ADAMTS7: variants seen among roughly 807,000 people sequenced by gnomAD.
The protein encoded by ADAMTS7 is ADAM metallopeptidase with thrombospondin type 1 motif 7, also known as A disintegrin and metalloproteinase with thrombospondin motifs 7.
Under a neutral mutation model 172.6 loss-of-function variants are expected in ADAMTS7, and 89 were observed. The ratio of observed to expected loss-of-function variants is 0.52; its 90% CI spans 0.43 to 0.61. The LOEUF is 0.61. Ranked by LOEUF, ADAMTS7 falls within the 20% of genes least tolerant of loss-of-function variation. The pLI is 0.00. For missense variants in ADAMTS7, 1,973 were observed against 2,355.6 expected (o/e 0.84, Z 3.36); for synonymous variants, 885 against 978.4 (o/e 0.90, Z 1.78).
At chr15:78,767,767 G>A (rs1340184307) in intron 17 of ADAMTS7, among the ~76,000 whole-genome samples, 175 bp from the exon 18 acceptor site, 1 of 152,010 alleles carries the variant, frequency 6.6e-6, no homozygotes, top group Non-Finnish European at 1.5e-5. Flanking sequence ...TGCCCTCAAA[G>A]CCTGGTGACA....
chr15:78,794,784 C>G (rs1008772644), intron 4 of ADAMTS7, among the ~76,000 whole-genome samples: 1 of 152,206 alleles, frequency 6.6e-6, no homozygotes, highest in Non-Finnish European at 1.5e-5. Context: ...GTGGCACGAT[C>G]TCAGCTCACT....
chr15:78,762,398 C>T lies in ADAMTS7; in HGVS notation c.4903+5G>A, dbSNP rs1482918311. 4 of 1,450,418 alleles carry T rather than the reference C, an allele frequency of 2.8e-6. No homozygotes were observed. Among genetic ancestry groups the T allele is most frequent in the Non-Finnish European group, 2.7e-6 (3 of 1,095,842 alleles). 89.8% of individuals were successfully genotyped at this position (1,450,418 alleles called of 1,614,324 possible). ...CAGCAGGGAGCCTGGGGTCAGGGGA[C>T]TCACGGGGAGGCTCGACGGGCTCAC... On this transcript the variant is annotated splice_donor_5th_base_variant and intron_variant, in intron 23 of 23. Coordinates refer to ENST00000388820, the MANE Select transcript of ADAMTS7 (RefSeq NM_014272.5).
intron 14 of ADAMTS7, among the ~76,000 whole-genome samples, chr15:78,772,487 C>T (rs2055267421): frequency 6.6e-6 from 1 of 152,236 alleles, no homozygotes. Context: ...TGCCTCCAGG[C>T]TCTGGCACAA....
chr15:78,759,750 C>G (rs2055012050), intron 23 of ADAMTS7, among the ~76,000 whole-genome samples, 172 bp from the exon 24 acceptor site: 1 of 152,184 alleles, frequency 6.6e-6, no homozygotes, highest in Admixed American at 6.5e-5. Flanking sequence ...GTTGCTGTCT[C>G]TGTCCCACCT....
Position 78,796,735 on chromosome 15 carries a change from CA to C in ADAMTS7, c.673del (p.Trp225GlyfsTer6), listed in dbSNP as rs1287642522. The C allele has an allele frequency of 5.6e-6, 9 of 1,612,140 alleles. No homozygotes were observed. The highest frequency in any genetic ancestry group is 1.3e-5 in the African/African-American group (1 of 75,046). On this transcript the variant is annotated frameshift_variant, in exon 4 of 24. Transcript: ENST00000388820. LOFTEE classifies it high-confidence loss of function. ...RRERWEQRQQ[W>X]RRPRLRRLHQ... The stretch of plus-strand genomic sequence containing the variant: ...TAGACGCCTCAGCCGTGGCCGCCGC[CA>C]CTGCTGCCGCTGCTCCCAACGCTCC...
intron 11 of ADAMTS7, among the ~76,000 whole-genome samples, chr15:78,775,986 G>A (rs12906691): frequency 0.27 from 41,216 of 152,118 alleles, 7,129 homozygotes; most frequent in Non-Finnish European, 0.4. Flanking sequence ...CCCCCTCTCT[G>A]GAAAGGGGTC....
chr15:78,796,723 C>T lies in ADAMTS7; in HGVS notation c.686G>A (p.Arg229Gln), dbSNP rs772813306. Residue 229 changes from arginine (R) to glutamine (Q), a missense_variant, in exon 4 of 24, where the codon CGG (arginine) becomes CAG (glutamine). Transcript: ENST00000388820. ...WEQRQQWRRP[R>Q]LRRLHQRSVS... The stretch of plus-strand genomic sequence containing the variant: ...CGACCGCTGGTGTAGACGCCTCAGC[C>T]GTGGCCGCCGCCACTGCTGCCGCTG... The T allele has an allele frequency of 8.1e-6, 13 of 1,610,778 alleles. No homozygotes were observed. Among genetic ancestry groups the T allele is most frequent in the East Asian group, 2.2e-5 (1 of 44,884 alleles).
At position 78,765,951 on chromosome 15, in the gene ADAMTS7, T is replaced by C; in HGVS notation, c.3960A>G (p.Pro1320=). 6.3e-7 allele frequency: 1 copy of C among 1,591,620 alleles called. No individual in the cohort carries two copies. The highest frequency in any genetic ancestry group is 8.5e-7 in the Non-Finnish European group (1 of 1,173,466). The change falls in exon 19 of 24, where the codon CCA becomes CCG. Residue 1320 remains proline, a synonymous_variant. Transcript: ENST00000388820. ...LEPGTPSFPT[P]GPGSWDLQTV... is the part of the protein sequence containing the mutation. ...TCTGCAGGTCCCATGAGCCTGGTCCTGGGGTTGGGAAGGAGGGAGTCCCCG... is the reference window on the plus strand; with the variant it reads ...TCTGCAGGTCCCATGAGCCTGGTCCCGGGGTTGGGAAGGAGGGAGTCCCCG...
rs546810593 is a variant in ADAMTS7, at chr15:78,766,045, A to G, written c.3866T>C (p.Val1289Ala). ...VDSELWPTVG[V>A]ASLLPPPIAP... is the part of the protein sequence containing the mutation. ...TATGGGAGGAGGAAGGAGAGAAGCC[A>G]CCCCAACAGTGGGCCACAGTTCACT... The change falls in exon 19 of 24, where the codon GTG (valine) becomes GCG (alanine). Residue 1289 changes from valine (V) to alanine (A), a missense_variant. Transcript: ENST00000388820. The G allele has an allele frequency of 6.2e-6, 10 of 1,605,242 alleles. No homozygotes were observed. In the South Asian group the frequency reaches 9.9e-5, roughly 16 times the overall value.
chr15:78,800,272 G>C lies in ADAMTS7; in HGVS notation c.376C>G (p.Pro126Ala). 6.3e-7 allele frequency: 1 copy of C among 1,595,236 alleles called. No individual in the cohort carries two copies. Among genetic ancestry groups the C allele is most frequent in the African/African-American group, 1.3e-5 (1 of 74,674 alleles). ...ACCTCGCCAAGCAGGTGGCAGGCCG[G>C]GGTGTGGGCCCGGATGTGCGCGCGG... ...LGRAHIRAHT[P>A]ACHLLGEVQD... Residue 126 changes from proline to alanine, a missense_variant, in exon 2 of 24, where the codon CCG (proline) becomes GCG (alanine). Around this residue, in one of 8 missense-constraint regions of ADAMTS7, gnomAD observed 306 missense variants for 288.0 expected, o/e 1.06. Coordinates refer to ENST00000388820, the MANE Select transcript of ADAMTS7 (RefSeq NM_014272.5).
In ADAMTS7 at chr15:78,788,283, C is replaced by T. The variant is rs534827822; in HGVS notation, c.1270G>A (p.Ala424Thr). Residue 424 changes from alanine (A) to threonine (T), a missense_variant, in exon 8 of 24, where the codon GCT (alanine) becomes ACT (threonine). Physicochemically the swap from Ala to Thr is moderately conservative, Grantham distance 58. Around this residue, in one of 8 missense-constraint regions of ADAMTS7, gnomAD observed 526 missense variants for 662.9 expected, o/e 0.79. Coordinates refer to ENST00000388820, the MANE Select transcript of ADAMTS7 (RefSeq NM_014272.5). ...IMSPQLLYDA[A>T]PLTWSRCSRQ... ...CTGCAGCGGGACCAGGTGAGGGGAG[C>T]GGCGTCGTACAGGAGCTGTGGAGAC... 73 of 1,613,750 alleles carry T rather than the reference C, an allele frequency of 4.5e-5. No individual in the cohort carries two copies. The highest frequency in any genetic ancestry group is 6.7e-5 in the East Asian group (3 of 44,876).
In ADAMTS7 at chr15:78,796,770, C is replaced by T. The variant is rs2055651109; in HGVS notation, c.639G>A (p.Glu213=). The T allele has an allele frequency of 1.9e-6, 3 of 1,610,076 alleles. No homozygotes were observed. In the East Asian group the frequency reaches 6.7e-5, roughly 36 times the overall value. Residue 213 remains glutamate (E), a synonymous_variant, in exon 4 of 24, where the codon GAG becomes GAA. Coordinates refer to ENST00000388820, the MANE Select transcript of ADAMTS7 (RefSeq NM_014272.5). ...GCTGCTCCCAACGCTCCCGTCGAGA[C>T]TCCAGCTCTGGGTACACTGGAGGCC... ...TCGVQVYPEL[E]SRRERWEQRQ...
chr15:78,764,681 C>A lies in ADAMTS7; in HGVS notation c.4293G>T (p.Ala1431=). The A allele has an allele frequency of 6.4e-7, 1 of 1,558,048 alleles. No homozygotes were observed. The highest frequency in any genetic ancestry group is 8.6e-7 in the Non-Finnish European group (1 of 1,160,782). Residue 1431 remains alanine, a synonymous_variant, in exon 20 of 24, where the codon GCG becomes GCT. Coordinates refer to ENST00000388820, the MANE Select transcript of ADAMTS7 (RefSeq NM_014272.5). ...AGCTACAGCGCACCGGCCTCCAGAC[C>A]GCACCCAGGCCACAGGTGGTAGAGC... is the stretch of plus-strand genomic sequence containing the variant. ...SECSTTCGLG[A]VWRPVRCSSG...
At chr15:78,789,930 C>A (rs1255325949) in intron 6 of ADAMTS7, 92 bp from the exon 7 acceptor site, 4 of 1,472,430 alleles carry the variant, frequency 2.7e-6, no homozygotes, top group East Asian at 5.0e-5. Flanking sequence ...CCGAATTGAT[C>A]CCAAGCGAAA....
Position 78,790,683 on chromosome 15 carries a change from T to C in ADAMTS7, c.1015A>G (p.Ile339Val), listed in dbSNP as rs1224708410. The change falls in exon 6 of 24, where the codon ATC (isoleucine) becomes GTC (valine). Residue 339 changes from isoleucine (I) to valine (V), a missense_variant. By Grantham distance (29) the Ile-to-Val change is conservative. Around this residue, in one of 8 missense-constraint regions of ADAMTS7, gnomAD observed 526 missense variants for 662.9 expected, o/e 0.79. Transcript: ENST00000388820. ...DAHPLHHDTA[I>V]LLTRKDLCAA... is the part of the protein sequence containing the mutation. ...CGGCTGCAGTACCTGGTGAGCAGGATGGCAGTGTCATGGTGCAGGGGATGG... is the reference window on the plus strand; with the variant it reads ...CGGCTGCAGTACCTGGTGAGCAGGACGGCAGTGTCATGGTGCAGGGGATGG... 2 of 1,613,786 alleles carry C rather than the reference T, an allele frequency of 1.2e-6. No homozygotes were observed. The highest frequency in any genetic ancestry group is 1.1e-5 in the South Asian group (1 of 91,054).
At chr15:78,787,386 A>G (rs1185774616) in intron 8 of ADAMTS7, among the ~76,000 whole-genome samples, 1 of 150,162 alleles carries the variant, frequency 6.7e-6, no homozygotes, top group African/African-American at 2.4e-5. Context: ...CAGGCCGGGC[A>G]TGGTGCACCG....
intron 22 of ADAMTS7, among the ~76,000 whole-genome samples, chr15:78,763,295 C>T (rs1388019761): frequency 1.3e-5 from 2 of 152,232 alleles, no homozygotes; most frequent in Non-Finnish European, 2.9e-5. Flanking sequence ...CAGTTCCAAA[C>T]AGGCCCAGCA....
At chr15:78,762,629 C>T in intron 22 of ADAMTS7, 64 bp from the exon 23 acceptor site, 2 of 1,201,192 alleles carry the variant, frequency 1.7e-6, no homozygotes, top group East Asian at 2.9e-5. Flanking sequence ...GGCAGGGACA[C>T]CTCCTCTGGG....
In ADAMTS7 at chr15:78,771,217, G is replaced by A. The variant is rs149239067; in HGVS notation, c.2463C>T (p.Pro821=). The A allele has an allele frequency of 1.4e-5, 23 of 1,611,768 alleles. No individual in the cohort carries two copies. The highest frequency in any genetic ancestry group is 5.5e-5 in the South Asian group (5 of 90,866). The change falls in exon 16 of 24, where the codon CCC becomes CCT. Residue 821 remains proline (P), a synonymous_variant. Transcript: ENST00000388820. The surrounding 1 kb of genome is among the most constrained non-coding windows in gnomAD (Gnocchi z 4.9). The part of the protein sequence containing the change: ...EAGGHDEVPP[P]VFSWHYGPWT... ...AGGGCCCATAATGCCAGGAGAACAC[G>A]GGCGGCGGGACCTCGTCGTGGCCAC...
Sources: gnomAD v4.1 joint callset for allele counts (sites outside exome capture counted in the v4.1 genomes callset) on GRCh38, gnomAD v4.1.1 for gene constraint, gnomAD v4.1.1 regional missense constraint, Gnocchi (gnomAD v3.1) non-coding constraint, MANE v1.5 for transcripts, NCBI Gene and HGNC (gene_info 2026-07-23, HGNC 2026-07-21) for gene names.